SH3RF2: variants seen among roughly 807,000 people sequenced by gnomAD.
SH3RF2 encodes E3 ubiquitin-protein ligase SH3RF2.
SH3RF2 carries 43 observed loss-of-function variants against 59.0 expected under a neutral mutation model. The ratio of observed to expected loss-of-function variants is 0.73; its 90% CI spans 0.57 to 0.94. SH3RF2 has a LOEUF of 0.94. Among genes scored for constraint, SH3RF2 ranks in the 40% least tolerant of loss-of-function variants. The pLI, the probability that SH3RF2 is intolerant of heterozygous loss-of-function variation, is 0.00. For synonymous variants in SH3RF2, 391 were observed against 391.5 expected, an observed-to-expected ratio of 1.00 and a Z score of 0.01; for missense variants, 930 against 940.1, an observed-to-expected ratio of 0.99 and a Z score of 0.14.
chr5:145,964,272 T>TTTCC (rs35100856), intron 2 of SH3RF2, among the ~76,000 whole-genome samples: 43,449 of 122,754 alleles, frequency 0.35, 8,953 homozygotes, highest in Non-Finnish European at 0.43. Flanking sequence ...TTTCCCTTCT[T>TTTCC]TTCCTTCCTT....
chr5:146,079,998 T>G (rs975514154), exon 10 of SH3RF2: 46 of 152,228 alleles, frequency 3.0e-4, no homozygotes, highest in African/African-American at 1.0e-3. Flanking sequence ...GAACTTTCCA[T>G]GAGGTATAGT....
At position 145,983,982 on chromosome 5, in the gene SH3RF2, G is replaced by A. The variant is rs577824870; in HGVS notation, c.379-16076G>A. Among the ~76,000 whole-genome samples the A allele has an allele frequency of 7.2e-5, 11 of 152,292 alleles. No homozygotes were observed. The East Asian group carries it at 1.7e-3, about 24-fold the overall frequency. On this transcript the variant is annotated intron_variant, in intron 2 of 9. Coordinates refer to ENST00000359120, the MANE Select transcript of SH3RF2 (RefSeq NM_152550.4). ...TAGTTGGGTATGTTGGAGTTCTTTT[G>A]TTAAGAGTAGCATTGACTAAATACC...
chr5:146,062,847 G>A lies in SH3RF2; in HGVS notation c.*146G>A, dbSNP rs1762952640. ...TTCACCTCCAGGAAAGCAAAAGTGG[G>A]AGCAGAAATTCCTGCCCTGGGTGGG... is the stretch of plus-strand genomic sequence containing the variant. On this transcript the variant is annotated 3_prime_UTR_variant, in exon 10 of 10. Coordinates refer to ENST00000359120, the MANE Select transcript of SH3RF2 (RefSeq NM_152550.4). 1 of 1,161,356 alleles carries A rather than the reference G, an allele frequency of 8.6e-7. No individual in the cohort carries two copies. The highest frequency in any genetic ancestry group is 1.2e-6 in the Non-Finnish European group (1 of 846,888). The allele number at this position is 1,161,356 out of a possible 1,614,324, so 71.9% of individuals were successfully genotyped here.
At chr5:146,067,627 G>T (rs1198635212), downstream of SH3RF2, among the ~76,000 whole-genome samples, 2 of 152,198 alleles carry the variant, frequency 1.3e-5, no homozygotes, top group African/African-American at 4.8e-5. Context: ...CACATAAAGT[G>T]TGAGGCTCCA....
intron 2 of SH3RF2, among the ~76,000 whole-genome samples, chr5:145,974,127 G>C (rs1759195956): frequency 6.6e-6 from 1 of 152,174 alleles, no homozygotes; most frequent in African/African-American, 2.4e-5. Flanking sequence ...GTAAAACTGA[G>C]AACCCAGGCT....
rs1761012133 is a variant in SH3RF2, at chr5:146,013,969, A to ATCGGCGCCATATGGTAGAGT, written c.969_970insGGCGCCATATGGTAGAGTTC (p.Ser324GlyfsTer5). 6.2e-7 allele frequency: 1 copy of ATCGGCGCCATATGGTAGAGT among 1,614,106 alleles called. No individual in the cohort carries two copies. Among genetic ancestry groups the ATCGGCGCCATATGGTAGAGT allele is most frequent in the African/African-American group, 1.3e-5 (1 of 75,022 alleles). On this transcript the variant is annotated stop_gained and frameshift_variant, in exon 5 of 10. Coordinates refer to ENST00000359120, the MANE Select transcript of SH3RF2 (RefSeq NM_152550.4). LOFTEE classifies it high-confidence loss of function. The stretch of plus-strand genomic sequence containing the variant: ...TCCTTCAGGGCGCCATATGGTAGAG[A>ATCGGCGCCATATGGTAGAGT]TCAGCACCCCAGTGCTCATCAGCTC...
At chr5:146,049,277 G>A (rs1253241933) in intron 7 of SH3RF2, 32 bp downstream of exon 7, 1 of 1,577,334 alleles carries the variant, frequency 6.3e-7, no homozygotes, top group Non-Finnish European at 8.6e-7. Flanking sequence ...ACTTTGGGAG[G>A]TTGGGCCACC....
In SH3RF2 at chr5:146,049,253, G is replaced by T. The variant is rs371333971; in HGVS notation, c.1322+8G>T. The stretch of plus-strand genomic sequence containing the variant: ...CGTCATCCCCATTTTCAGGTGTGTC[G>T]CCTCCAATCCCAGACTTTGGGAGGT... On this transcript the variant is annotated splice_region_variant and intron_variant, in intron 7 of 9. Transcript: ENST00000359120. The T allele has an allele frequency of 3.1e-6, 5 of 1,595,780 alleles. No homozygotes were observed. Among genetic ancestry groups the T allele is most frequent in the Non-Finnish European group, 4.3e-6 (5 of 1,170,040 alleles).
At chr5:145,939,199 C>T (rs1757715791) in intron 2 of SH3RF2, among the ~76,000 whole-genome samples, 2 of 152,118 alleles carry the variant, frequency 1.3e-5, no homozygotes, top group African/African-American at 4.8e-5. Context: ...GCACTGTCAC[C>T]CCTGGAGTCA....
intron 5 of SH3RF2, among the ~76,000 whole-genome samples, chr5:146,018,748 G>T (rs1761201104): frequency 6.6e-6 from 1 of 152,110 alleles, no homozygotes. Context: ...ATTTCCACCA[G>T]CAGTGTTTAA....
chr5:146,046,654 T>C (rs373368645), intron 5 of SH3RF2, among the ~76,000 whole-genome samples: 2 of 152,290 alleles, frequency 1.3e-5, no homozygotes, highest in East Asian at 3.9e-4. Context: ...CCTGCCCTCA[T>C]GGAATTTACA....
chr5:145,949,355 T>TA (rs1209797937), intron 2 of SH3RF2, among the ~76,000 whole-genome samples: 1 of 152,194 alleles, frequency 6.6e-6, no homozygotes, highest in African/African-American at 2.4e-5. Context: ...GCCAAGGCGA[T>TA]ACGGCAGAAT....
intron 2 of SH3RF2, among the ~76,000 whole-genome samples, chr5:145,954,399 G>T (rs1263586359): frequency 6.6e-6 from 1 of 151,986 alleles, no homozygotes; most frequent in African/African-American, 2.4e-5. Flanking sequence ...TTTTTAATAG[G>T]GTTGTTTGTT....
rs1222933114 is a variant in SH3RF2 at position 145,972,548 on chromosome 5, A to G, written c.379-27510A>G. On this transcript the variant is annotated intron_variant, in intron 2 of 9. Coordinates refer to ENST00000359120, the MANE Select transcript of SH3RF2 (RefSeq NM_152550.4). ...GGCTCCAGGGTGCCATTCACACGGCAATCATCAGTGACGGCCCAGAGCCAG... is the reference window on the plus strand; with the variant it reads ...GGCTCCAGGGTGCCATTCACACGGCGATCATCAGTGACGGCCCAGAGCCAG... Among the ~76,000 whole-genome samples, 3 of 152,200 alleles carry G rather than the reference A, an allele frequency of 2.0e-5. No individual in the cohort carries two copies. The East Asian group carries it at 5.8e-4, about 29-fold the overall frequency.
chr5:146,028,257 GA>G, intron 5 of SH3RF2, among the ~76,000 whole-genome samples: 1 of 134,924 alleles, frequency 7.4e-6, no homozygotes. Flanking sequence ...AAATAAAACA[GA>G]AGGGCAAAAG....
At chr5:145,942,292 T>C (rs938262151) in intron 2 of SH3RF2, among the ~76,000 whole-genome samples, 1 of 152,186 alleles carries the variant, frequency 6.6e-6, no homozygotes, top group Non-Finnish European at 1.5e-5. Flanking sequence ...AACACAAATA[T>C]TGCCATGGGT....
At chr5:145,936,883 G>A (rs1020149919) in intron 1 of SH3RF2, 189 bp downstream of exon 1, 1 of 152,278 alleles carries the variant, frequency 6.6e-6, no homozygotes, top group East Asian at 1.9e-4. Flanking sequence ...GCACTTGTGA[G>A]GGACAGCTGA....
chr5:145,942,151 C>G (rs889666995), intron 2 of SH3RF2, among the ~76,000 whole-genome samples: 6 of 152,250 alleles, frequency 3.9e-5, no homozygotes, highest in African/African-American at 1.4e-4. Context: ...TAACTAACTT[C>G]ACTTTCCCCA....
chr5:146,002,513 G>A (rs561611878), intron 3 of SH3RF2, among the ~76,000 whole-genome samples: 13 of 150,630 alleles, frequency 8.6e-5, no homozygotes, highest in African/African-American at 3.2e-4. Context: ...AGGAAGGAAG[G>A]AAGGAAGGAA....
Sources: allele counts gnomAD v4.1 joint callset (sites outside exome capture counted in the v4.1 genomes callset), GRCh38; gene constraint gnomAD v4.1.1; transcripts MANE v1.5; gene names NCBI Gene and HGNC (gene_info 2026-07-23, HGNC 2026-07-21).